ANKRD46: variants seen among roughly 807,000 people sequenced by gnomAD.
The protein encoded by ANKRD46 is ankyrin repeat domain 46.
Under a neutral mutation model 19.8 loss-of-function variants are expected in ANKRD46, and 13 were observed. That is an observed-to-expected ratio of 0.66 (90% CI 0.43 to 1.04). The LOEUF (loss-of-function observed/expected upper bound fraction) is 1.04. Among genes scored for constraint, ANKRD46 ranks in the 50% least tolerant of loss-of-function variants. The pLI, the probability that ANKRD46 is intolerant of heterozygous loss-of-function variation, is 0.00. For missense variants in ANKRD46, 185 were observed against 274.8 expected (o/e 0.67, Z 2.31); for synonymous variants, 91 against 106.9 (o/e 0.85, Z 0.92).
In ANKRD46 at chr8:100,522,346, G is replaced by A; in HGVS notation, c.*209C>T. On this transcript the variant is annotated 3_prime_UTR_variant, in exon 5 of 5. Coordinates refer to ENST00000335659, the MANE Select transcript of ANKRD46 (RefSeq NM_001270377.2). Reference sequence around the variant, plus strand: ...TCCTACAAAGTCAGGTTGAGTCAGAGGTAGCGTTAGGATGCAATATACTTG... The same window carrying A: ...TCCTACAAAGTCAGGTTGAGTCAGAAGTAGCGTTAGGATGCAATATACTTG... 1 of 1,380,982 alleles carries A rather than the reference G, an allele frequency of 7.2e-7. No individual in the cohort carries two copies. Among genetic ancestry groups the A allele is most frequent in the Non-Finnish European group, 9.4e-7 (1 of 1,067,676 alleles). The allele number at this position is 1,380,982 out of a possible 1,614,324, so 85.5% of individuals were successfully genotyped here.
At chr8:100,518,024 C>G (rs1401414344), downstream of ANKRD46, among the ~76,000 whole-genome samples, 6 of 152,160 alleles carry the variant, frequency 3.9e-5, no homozygotes, top group Non-Finnish European at 8.8e-5. Context: ...AAACCCATCT[C>G]TACTAAAAAT....
chr8:100,539,077 A>G (rs1812122483), intron 1 of ANKRD46, among the ~76,000 whole-genome samples: 1 of 152,232 alleles, frequency 6.6e-6, no homozygotes, highest in Non-Finnish European at 1.5e-5. Flanking sequence ...TGACCGGTGA[A>G]TAGTTTTACT....
At chr8:100,517,103 T>TA, downstream of ANKRD46, among the ~76,000 whole-genome samples, 1 of 152,312 alleles carries the variant, frequency 6.6e-6, no homozygotes, top group Middle Eastern at 3.4e-3. Flanking sequence ...ATTGAGTTAA[T>TA]AAGTATAGCA....
At chr8:100,523,384 C>T (rs924802831) in intron 4 of ANKRD46, among the ~76,000 whole-genome samples, 6 of 151,396 alleles carry the variant, frequency 4.0e-5, no homozygotes, top group African/African-American at 1.2e-4. Context: ...TTAGAAGAAA[C>T]CAACTTTGTG....
rs1812246657 is a variant in ANKRD46, at chr8:100,545,118, C to G, written c.-130-11807G>C. Among the ~76,000 whole-genome samples the G allele has an allele frequency of 6.6e-6, 1 of 152,118 alleles. No individual in the cohort carries two copies. Among genetic ancestry groups the G allele is most frequent in the Non-Finnish European group, 1.5e-5 (1 of 68,022 alleles). ...GGTGGGAGAATTGCTTGAGCCCAGG[C>G]ATTCGAGACAAGCCTGGGCAACACA... On this transcript the variant is annotated intron_variant, in intron 1 of 4. Coordinates refer to ENST00000335659, the MANE Select transcript of ANKRD46 (RefSeq NM_001270377.2). The surrounding 1 kb of genome is among the most constrained non-coding windows in gnomAD (Gnocchi z 4.7).
rs1811832522 is a variant in ANKRD46 at position 100,525,900 on chromosome 8, G to T, written c.470+1945C>A. 6.6e-6 allele frequency among the ~76,000 whole-genome samples: 1 copy of T among 152,172 alleles called. No homozygotes were observed. The highest frequency in any genetic ancestry group is 2.4e-5 in the African/African-American group (1 of 41,438). Reference sequence around the variant, plus strand: ...TTTCTCCACATCCTCCAGAGCACTTGTTATTATCTATCTTTTTAATTGCAG... The same window carrying T: ...TTTCTCCACATCCTCCAGAGCACTTTTTATTATCTATCTTTTTAATTGCAG... On this transcript the variant is annotated intron_variant, in intron 4 of 4. Coordinates refer to ENST00000335659, the MANE Select transcript of ANKRD46 (RefSeq NM_001270377.2). This position sits in a 1 kb window ranked among gnomAD's most constrained non-coding sequence, Gnocchi z 4.4.
In ANKRD46 at chr8:100,543,141, T is replaced by C. The variant is rs902872085; in HGVS notation, c.-130-9830A>G. 6.6e-6 allele frequency among the ~76,000 whole-genome samples: 1 copy of C among 152,164 alleles called. No homozygotes were observed. The highest frequency in any genetic ancestry group is 2.4e-5 in the African/African-American group (1 of 41,452). On this transcript the variant is annotated intron_variant, in intron 1 of 4. Coordinates refer to ENST00000335659, the MANE Select transcript of ANKRD46 (RefSeq NM_001270377.2). The surrounding 1 kb of genome is among the most constrained non-coding windows in gnomAD (Gnocchi z 4.2). ...CATTGTGACTAACATGGGAAAGAAT[T>C]GTCAAAGACTATGGATCTTAAGTTT...
At position 100,536,971 on chromosome 8, in the gene ANKRD46, G is replaced by C. The variant is rs1474364579; in HGVS notation, c.-130-3660C>G. Among the ~76,000 whole-genome samples, 1 of 152,170 alleles carries C rather than the reference G, an allele frequency of 6.6e-6. No homozygotes were observed. Among genetic ancestry groups the C allele is most frequent in the Non-Finnish European group, 1.5e-5 (1 of 68,030 alleles). ...AGTCACTTAGATCGCGGCAACAAGA[G>C]CTTCTTATGTCAACCAGCGTGATTG... is the stretch of plus-strand genomic sequence containing the variant. On this transcript the variant is annotated intron_variant, in intron 1 of 4. Coordinates refer to ENST00000335659, the MANE Select transcript of ANKRD46 (RefSeq NM_001270377.2). The surrounding 1 kb of genome is among the most constrained non-coding windows in gnomAD (Gnocchi z 4.9).
chr8:100,517,601 C>CT (rs1238689560), downstream of ANKRD46, among the ~76,000 whole-genome samples: 1 of 152,148 alleles, frequency 6.6e-6, no homozygotes, highest in Non-Finnish European at 1.5e-5. Flanking sequence ...TCTGGTTGTG[C>CT]TGTGAAAAGT....
In ANKRD46 at chr8:100,544,410, C is replaced by T. The variant is rs186265343; in HGVS notation, c.-130-11099G>A. On this transcript the variant is annotated intron_variant, in intron 1 of 4. Transcript: ENST00000335659. This position sits in a 1 kb window ranked among gnomAD's most constrained non-coding sequence, Gnocchi z 4.4. ...AAGAAGTGAGCATTGGATCAAATCT[C>T]AGTGTCAGGATTCTGCTAACCCCAA... 3.9e-5 allele frequency among the ~76,000 whole-genome samples: 6 copies of T among 152,340 alleles called. No individual in the cohort carries two copies. In the East Asian group the frequency reaches 1.2e-3, roughly 29 times the overall value.
intron 2 of ANKRD46, among the ~76,000 whole-genome samples, chr8:100,531,939 A>G (rs75923315): frequency 0.019 from 2,848 of 152,308 alleles, 32 homozygotes; most frequent in Non-Finnish European, 0.031. Flanking sequence ...AGGTCATTGC[A>G]GCTATCTAGG....
chr8:100,541,139 T>C (rs1002873647), intron 1 of ANKRD46, among the ~76,000 whole-genome samples: 2 of 151,326 alleles, frequency 1.3e-5, no homozygotes, highest in African/African-American at 2.4e-5. Flanking sequence ...TGAAGTTCAA[T>C]TTTCCTTTTA....
At position 100,550,981 on chromosome 8, in the gene ANKRD46, G is replaced by A; in HGVS notation, c.-131+8730C>T. The A allele has an allele frequency of 1.8e-6, 1 of 556,694 alleles. No individual in the cohort carries two copies. The highest frequency in any genetic ancestry group is 3.4e-6 in the Non-Finnish European group (1 of 291,818). The allele number at this position is 556,694 out of a possible 1,614,324, so 34.5% of individuals were successfully genotyped here. A position where few individuals can be genotyped will look rare whatever the true frequency, so the allele number is the denominator to read the frequency against. ...CATATTTGGCAGGTTTCTCCAGATG[G>A]CAGGTCAGGTCCACAACCAACACGT... On this transcript the variant is annotated intron_variant, in intron 1 of 4. Coordinates refer to ENST00000335659, the MANE Select transcript of ANKRD46 (RefSeq NM_001270377.2). This position sits in a 1 kb window ranked among gnomAD's most constrained non-coding sequence, Gnocchi z 4.4.
In ANKRD46 at chr8:100,522,623, G is replaced by A. The variant is rs1811749070; in HGVS notation, c.619C>T (p.Leu207Phe). Reference sequence around the variant, plus strand: ...CCACTCACATAATAAGCAATGCCAAGAGACAGCAAAGCAATGACGAAGATC... The same window carrying A: ...CCACTCACATAATAAGCAATGCCAAAAGACAGCAAAGCAATGACGAAGATC... ...LLIFVIALLSLGIAYYVSGVL... is the reference protein window; with the variant it reads ...LLIFVIALLSFGIAYYVSGVL... Residue 207 changes from leucine to phenylalanine, a missense_variant, in exon 5 of 5, where the codon CTT (leucine) becomes TTT (phenylalanine). Transcript: ENST00000335659. The A allele has an allele frequency of 6.2e-7, 1 of 1,613,870 alleles. No homozygotes were observed. The highest frequency in any genetic ancestry group is 1.3e-5 in the African/African-American group (1 of 74,844).
rs189830411 is a variant in ANKRD46, at chr8:100,510,542, C to T, written c.*35G>A. Reference sequence around the variant, plus strand: ...GTCTGTATCCCTTCTTTCTTGCCTTCTGAGGCTCAGGAGCACAGGACACTG... The same window carrying T: ...GTCTGTATCCCTTCTTTCTTGCCTTTTGAGGCTCAGGAGCACAGGACACTG... On this transcript the variant is annotated 3_prime_UTR_variant, in exon 6 of 6. Coordinates refer to the ANKRD46 transcript ENST00000520552. The surrounding 1 kb of genome is among the most constrained non-coding windows in gnomAD (Gnocchi z 4.9). 5,745 of 1,526,074 alleles carry T rather than the reference C, an allele frequency of 3.8e-3. 18 individuals carry two copies. The highest frequency in any genetic ancestry group is 4.4e-3 in the Non-Finnish European group (5,007 of 1,140,924). 94.5% of individuals were successfully genotyped at this position (1,526,074 alleles called of 1,614,324 possible).
At chr8:100,512,761 T>C (rs1329226359) in intron 5 of ANKRD46, among the ~76,000 whole-genome samples, 1 of 152,258 alleles carries the variant, frequency 6.6e-6, no homozygotes, top group African/African-American at 2.4e-5. Flanking sequence ...TGACTACCAA[T>C]ATCTGAATTT....
At chr8:100,515,537 C>T (rs545305600) in intron 5 of ANKRD46, among the ~76,000 whole-genome samples, 1 of 152,126 alleles carries the variant, frequency 6.6e-6, no homozygotes, top group South Asian at 2.1e-4. Context: ...ATGAAAAGAT[C>T]AGTCTGTATT....
At chr8:100,539,741 A>C (rs1812137426) in intron 1 of ANKRD46, among the ~76,000 whole-genome samples, 1 of 152,222 alleles carries the variant, frequency 6.6e-6, no homozygotes, top group Non-Finnish European at 1.5e-5. Context: ...TGTGAATTAC[A>C]CAATAATACT....
chr8:100,522,900 C>T (rs1811760504), intron 4 of ANKRD46, 129 bp from the exon 5 acceptor site: 1 of 546,094 alleles, frequency 1.8e-6, no homozygotes, highest in Admixed American at 3.2e-5. Context: ...CACACACACA[C>T]ACACATATAT....
Sources: gnomAD v4.1 joint callset for allele counts (sites outside exome capture counted in the v4.1 genomes callset) on GRCh38, gnomAD v4.1.1 for gene constraint, Gnocchi (gnomAD v3.1) non-coding constraint, MANE v1.5 for transcripts, NCBI Gene and HGNC (gene_info 2026-07-23, HGNC 2026-07-21) for gene names.